The following PLCD1 variants were observed in gnomAD, a reference collection of about 807,000 sequenced individuals.
The protein encoded by PLCD1 is 1-phosphatidylinositol 4,5-bisphosphate phosphodiesterase delta-1.
A neutral mutation model predicts 87.4 loss-of-function variants in PLCD1; 71 were observed. The ratio of observed to expected loss-of-function variants is 0.81; its 90% CI spans 0.67 to 0.99. The LOEUF (loss-of-function observed/expected upper bound fraction) is 0.99. Among genes scored for constraint, PLCD1 ranks in the 50% least tolerant of loss-of-function variants. The pLI is 0.00. For missense variants in PLCD1, 867 were observed against 1,001.5 expected (o/e 0.87, Z 1.81); for synonymous variants, 348 against 399.2 (o/e 0.87, Z 1.53).
intron 1 of PLCD1, chr3:38,024,140 T>A (rs554246604): frequency 3.7e-6 from 2 of 542,568 alleles, no homozygotes; most frequent in East Asian, 6.2e-5. Context: ...GGGTAACTAA[T>A]CACCCTAGTA....
rs769966321 is a variant in PLCD1 at position 38,011,280 on chromosome 3, G to A, written c.724C>T (p.Arg242Trp). The change falls in exon 5 of 15, where the codon CGG becomes TGG. Residue 242 changes from arginine to tryptophan, a missense_variant. Transcript: ENST00000334661. ...QLVTFLQHQQ[R>W]EEAAGPALAL... is the part of the protein sequence containing the mutation. ...AGCGCAGGCCCTGCCGCCTCCTCCC[G>A]CTGCTGGTGCTGCAGGAACGTCACT... 21 of 1,611,754 alleles carry A rather than the reference G, an allele frequency of 1.3e-5. No homozygotes were observed. The highest frequency in any genetic ancestry group is 5.3e-5 in the African/African-American group (4 of 74,888).
chr3:38,009,679 T>C lies in PLCD1; in HGVS notation c.1420A>G (p.Arg474Gly). 6.2e-7 allele frequency: 1 copy of C among 1,614,122 alleles called. No individual in the cohort carries two copies. The highest frequency in any genetic ancestry group is 8.5e-7 in the Non-Finnish European group (1 of 1,180,012). The change falls in exon 9 of 15, where the codon AGG (arginine) becomes GGG (glycine). Residue 474 changes from arginine (R) to glycine (G), a missense_variant. Coordinates refer to ENST00000334661, the MANE Select transcript of PLCD1 (RefSeq NM_006225.4). ...EAAEMEDEAV[R>G]SRVQHKPKED... ...TTGGGCTTGTGCTGCACACGGCTCC[T>C]CACTGCCTCATCCTCCATCTCAGCA... is the stretch of plus-strand genomic sequence containing the variant.
chr3:38,008,733 G>T, intron 11 of PLCD1, 97 bp from the exon 12 acceptor site: 2 of 1,095,728 alleles, frequency 1.8e-6, no homozygotes, highest in Non-Finnish European at 2.7e-6. Context: ...GTCACATGGT[G>T]AGTTAGCAGG....
At chr3:38,024,508 C>T (rs1475130038) in intron 1 of PLCD1, 1 of 1,543,500 alleles carries the variant, frequency 6.5e-7, no homozygotes, top group Admixed American at 1.9e-5. Flanking sequence ...ATGCTCACAA[C>T]ACCCTCTGCT....
At position 38,010,371 on chromosome 3, in the gene PLCD1, C is replaced by T. The variant is rs763266542; in HGVS notation, c.982G>A (p.Ala328Thr). 1 of 1,614,152 alleles carries T rather than the reference C, an allele frequency of 6.2e-7. No homozygotes were observed. Among genetic ancestry groups the T allele is most frequent in the Admixed American group, 1.7e-5 (1 of 60,026 alleles). Reference sequence around the variant, plus strand: ...CTCCCTGAGCAGCACCGGATGTAGGCTTCAGTGCTGCTGGGCCCGGCTAGC... The same window carrying T: ...CTCCCTGAGCAGCACCGGATGTAGGTTTCAGTGCTGCTGGGCCCGGCTAGC... ...DQLAGPSSTE[A>T]YIRALCKGCR... Residue 328 changes from alanine (A) to threonine (T), a missense_variant, in exon 6 of 15, where the codon GCC (alanine) becomes ACC (threonine). By Grantham distance (58) the Ala-to-Thr change is moderately conservative. Transcript: ENST00000334661.
intron 1 of PLCD1, among the ~76,000 whole-genome samples, chr3:38,023,899 G>T (rs1052732791): frequency 4.0e-5 from 6 of 149,040 alleles, no homozygotes; most frequent in African/African-American, 1.5e-4. Flanking sequence ...CCCCAGGCAT[G>T]ACAGAACTAC....
chr3:38,025,437 G>A lies in PLCD1; in HGVS notation c.34+4069C>T, dbSNP rs1431066291. On this transcript the variant is annotated intron_variant, in intron 1 of 14. Coordinates refer to ENST00000334661, the MANE Select transcript of PLCD1 (RefSeq NM_006225.4). The surrounding 1 kb of genome is among the most constrained non-coding windows in gnomAD (Gnocchi z 4.0). Reference sequence around the variant, plus strand: ...GAGATCAGGCGGGACCGGGGATGGAGCCTGGGCCAGACACCGAGCCCCCCC... The same window carrying A: ...GAGATCAGGCGGGACCGGGGATGGAACCTGGGCCAGACACCGAGCCCCCCC... 6.6e-6 allele frequency among the ~76,000 whole-genome samples: 1 copy of A among 152,168 alleles called. No homozygotes were observed. Among genetic ancestry groups the A allele is most frequent in the Non-Finnish European group, 1.5e-5 (1 of 68,014 alleles).
intron 1 of PLCD1, among the ~76,000 whole-genome samples, chr3:38,028,250 AAAG>A (rs1700328144): frequency 6.6e-6 from 1 of 152,224 alleles, no homozygotes. Flanking sequence ...TGGCCTGAAG[AAAG>A]AAGAGGGAGC....
intron 1 of PLCD1, among the ~76,000 whole-genome samples, chr3:38,026,018 T>C (rs779779062): frequency 3.9e-5 from 6 of 152,180 alleles, no homozygotes; most frequent in African/African-American, 7.2e-5. Context: ...GGTGAGTAGA[T>C]GGACAAGGTA....
In PLCD1 at chr3:38,010,513, CAGTA is replaced by C. The variant is rs1480010735; in HGVS notation, c.836_839del (p.Leu279CysfsTer41). 6.2e-6 allele frequency: 10 copies of C among 1,614,170 alleles called. No homozygotes were observed. The highest frequency in any genetic ancestry group is 8.5e-6 in the Non-Finnish European group (10 of 1,180,000). On this transcript the variant is annotated frameshift_variant, in exon 6 of 15. Transcript: ENST00000334661. LOFTEE classifies it high-confidence loss of function. ...GGCTGAAGGCGCTGCCGTCAGCCGACAGTAAGTACATGAGGAAGCCGTCCTTGGT... is the reference window on the plus strand; with the variant it reads ...GGCTGAAGGCGCTGCCGTCAGCCGACAGTACATGAGGAAGCCGTCCTTGGT...
chr3:38,028,182 CCT>C (rs1174994734), intron 1 of PLCD1, among the ~76,000 whole-genome samples: 1 of 152,250 alleles, frequency 6.6e-6, no homozygotes, highest in Non-Finnish European at 1.5e-5. Context: ...TCCACTGTGT[CCT>C]CTCAGCTGCC....
intron 1 of PLCD1, chr3:38,024,653 G>A (rs1700285604): frequency 2.0e-6 from 3 of 1,518,270 alleles, no homozygotes; most frequent in Admixed American, 2.0e-5. Context: ...GGGCTGAGGG[G>A]GTAGTCAGAC....
At chr3:38,008,433 C>T (rs1700002840) in intron 12 of PLCD1, 25 bp downstream of exon 12, 2 of 1,614,128 alleles carry the variant, frequency 1.2e-6, no homozygotes, top group Non-Finnish European at 1.7e-6. Context: ...TCCGTGGGCA[C>T]CTGTCCCTCC....
rs541422859 is a variant in PLCD1, at chr3:38,012,823, G to A, written c.429-1150C>T. On this transcript the variant is annotated intron_variant, in intron 3 of 14. Transcript: ENST00000334661. ...TGAGCCACGGCACCCGGCCTATAAT[G>A]AAGTTTTAAAGATCTACCTACCTCC... 2.6e-5 allele frequency among the ~76,000 whole-genome samples: 4 copies of A among 152,134 alleles called. No homozygotes were observed. The East Asian group carries it at 7.7e-4, about 29-fold the overall frequency.
intron 1 of PLCD1, among the ~76,000 whole-genome samples, chr3:38,021,684 C>T (rs1190218388): frequency 3.3e-5 from 5 of 152,250 alleles, no homozygotes; most frequent in African/African-American, 9.6e-5. Flanking sequence ...CACTTCACTT[C>T]TCTCCCTAGA....
At chr3:38,019,933 TCGTTCCATGACTGC>T (rs1308149443) in intron 2 of PLCD1, among the ~76,000 whole-genome samples, 1 of 152,166 alleles carries the variant, frequency 6.6e-6, no homozygotes. Flanking sequence ...TCTGCGGTCC[TCGTTCCATGACTGC>T]CCTCTCCAGT....
Position 38,009,026 on chromosome 3 carries a change from C to T in PLCD1, c.1723+16G>A. ...AACCCTCCTCCAGGCCTCCTCCAGC[C>T]CCAGCCAGCCCATACCGATCTGGCA... On this transcript the variant is annotated intron_variant, in intron 11 of 14. Coordinates refer to ENST00000334661, the MANE Select transcript of PLCD1 (RefSeq NM_006225.4). The T allele has an allele frequency of 6.3e-7, 1 of 1,598,746 alleles. No individual in the cohort carries two copies. Among genetic ancestry groups the T allele is most frequent in the Non-Finnish European group, 8.6e-7 (1 of 1,167,330 alleles).
rs1461221672 is a variant in PLCD1 at position 38,017,398 on chromosome 3, G to C, written c.200-679C>G. ...CTGACTTCAGGGAGCCCCTTGGCAGGGGGTACAGGAAGACTCTGCCTTCCC... is the reference window on the plus strand; with the variant it reads ...CTGACTTCAGGGAGCCCCTTGGCAGCGGGTACAGGAAGACTCTGCCTTCCC... On this transcript the variant is annotated intron_variant, in intron 2 of 14. Coordinates refer to ENST00000334661, the MANE Select transcript of PLCD1 (RefSeq NM_006225.4). The surrounding 1 kb of genome is among the most constrained non-coding windows in gnomAD (Gnocchi z 4.7). Among the ~76,000 whole-genome samples, 2 of 152,158 alleles carry C rather than the reference G, an allele frequency of 1.3e-5. No homozygotes were observed. Among genetic ancestry groups the C allele is most frequent in the African/African-American group, 2.4e-5 (1 of 41,446 alleles).
intron 3 of PLCD1, 117 bp downstream of exon 3, chr3:38,016,374 T>G: frequency 1.4e-6 from 1 of 728,572 alleles, no homozygotes; most frequent in Non-Finnish European, 2.5e-6. Flanking sequence ...CCACCTATGA[T>G]ATTTTGTTAT....
Sources: allele counts gnomAD v4.1 joint callset (sites outside exome capture counted in the v4.1 genomes callset), GRCh38; gene constraint gnomAD v4.1.1; non-coding constraint Gnocchi (gnomAD v3.1); transcripts MANE v1.5; gene names NCBI Gene and HGNC (gene_info 2026-07-23, HGNC 2026-07-21).